LARP7: variants seen among roughly 807,000 people sequenced by gnomAD.
LARP7 encodes La ribonucleoprotein 7, transcriptional regulator.
Under a neutral mutation model 69.3 loss-of-function variants are expected in LARP7, and 52 were observed. That is an observed-to-expected ratio of 0.75 (90% confidence interval 0.60 to 0.95). The LOEUF is 0.95. LARP7 is among the 40% of genes least tolerant of loss of function. LARP7 has a pLI of 0.00. For synonymous variants in LARP7, 254 were observed against 215.9 expected, an observed-to-expected ratio of 1.18 and a Z score of -1.55; for missense variants, 733 against 673.0, an observed-to-expected ratio of 1.09 and a Z score of -0.99.
Position 112,646,593 on chromosome 4 carries a change from T to A in LARP7, c.309T>A (p.Asp103Glu). ...ALRSSAVVEL[D>E]LEGTRIRRKK... ...TGTAATATACTATTTTAAAGCTTGA[T>A]TTGGAAGGCACCAGAATCCGGAGGA... Residue 103 changes from aspartate to glutamate, a missense_variant, in exon 4 of 13, where the codon GAT (aspartate) becomes GAA (glutamate). Transcript: ENST00000344442. The A allele has an allele frequency of 6.3e-7, 1 of 1,579,316 alleles. No individual in the cohort carries two copies. Among genetic ancestry groups the A allele is most frequent in the Non-Finnish European group, 8.6e-7 (1 of 1,160,616 alleles).
In LARP7 at chr4:112,650,515, A is replaced by C. The variant is rs759497392; in HGVS notation, c.1349A>C (p.Gln450Pro). Reference sequence around the variant, plus strand: ...GAGAAAGTTAATGCAACAGGACCACAGTTCGTGAGTGGAGTGATTGTGAAG... The same window carrying C: ...GAGAAAGTTAATGCAACAGGACCACCGTTCGTGAGTGGAGTGATTGTGAAG... ...TQEKVNATGP[Q>P]FVSGVIVKII... The change falls in exon 10 of 13, where the codon CAG (glutamine) becomes CCG (proline). Residue 450 changes from glutamine to proline, a missense_variant. Gln to Pro is a moderately conservative substitution (Grantham distance 76). Transcript: ENST00000344442. The C allele has an allele frequency of 4.3e-6, 7 of 1,613,776 alleles. No homozygotes were observed. The highest frequency in any genetic ancestry group is 5.9e-6 in the Non-Finnish European group (7 of 1,179,764).
chr4:112,651,259 G>A (rs1269421092), intron 10 of LARP7, among the ~76,000 whole-genome samples: 1 of 152,054 alleles, frequency 6.6e-6, no homozygotes, highest in African/African-American at 2.4e-5. Flanking sequence ...TGTTGTTTTG[G>A]TTTTACGTAG....
At chr4:112,651,320 T>C (rs1578633668) in intron 10 of LARP7, among the ~76,000 whole-genome samples, 2 of 152,312 alleles carry the variant, frequency 1.3e-5, no homozygotes, top group East Asian at 3.9e-4. Context: ...GGTGGTTTGT[T>C]TATCTGTAAG....
At chr4:112,643,676 T>C (rs1365938143) in intron 1 of LARP7, among the ~76,000 whole-genome samples, 3 of 151,966 alleles carry the variant, frequency 2.0e-5, no homozygotes, top group Admixed American at 2.0e-4. Context: ...GGTGAAACTC[T>C]GTCTCTACTA....
chr4:112,655,003 CAA>C (rs916695747), intron 12 of LARP7, among the ~76,000 whole-genome samples: 2 of 117,334 alleles, frequency 1.7e-5, no homozygotes, highest in Non-Finnish European at 3.8e-5. Flanking sequence ...CATATTTATA[CAA>C]AAAAAAAAAA....
intron 10 of LARP7, among the ~76,000 whole-genome samples, chr4:112,652,461 C>T (rs1282826333): frequency 6.6e-6 from 1 of 151,988 alleles, no homozygotes; most frequent in Non-Finnish European, 1.5e-5. Flanking sequence ...GTTAATTTGC[C>T]CTCACAGCAG....
At chr4:112,643,284 A>T (rs2048030757) in intron 1 of LARP7, among the ~76,000 whole-genome samples, 1 of 152,222 alleles carries the variant, frequency 6.6e-6, no homozygotes, top group African/African-American at 2.4e-5. Context: ...ATTAAATATG[A>T]TTGTGGGAGG....
chr4:112,644,292 GGGGGGTGTTGCGATGGAGAGGA>G (rs1462384890), intron 1 of LARP7: 104 of 290,760 alleles, frequency 3.6e-4, no homozygotes, highest in East Asian at 5.4e-4. Flanking sequence ...GGCGGGGGCG[GGGGGGTGTTGCGATGGAGAGGA>G]GGGGGTGTTG....
At position 112,637,258 on chromosome 4, in the gene LARP7, A is replaced by G. The variant is rs1175575094; in HGVS notation, c.-3+19A>G. The G allele has an allele frequency of 6.6e-6, 1 of 152,262 alleles. No homozygotes were observed. The highest frequency in any genetic ancestry group is 2.4e-5 in the African/African-American group (1 of 41,442). 9.4% of individuals were successfully genotyped at this position (152,262 alleles called of 1,614,324 possible). ...GAACGGAGTAAGTTACAAGCGGCCTATAGGGTCGCACAGCTTGGGCGAAGT... is the reference window on the plus strand; with the variant it reads ...GAACGGAGTAAGTTACAAGCGGCCTGTAGGGTCGCACAGCTTGGGCGAAGT... On this transcript the variant is annotated intron_variant, in intron 1 of 12. Transcript: ENST00000344442.
At position 112,647,003 on chromosome 4, in the gene LARP7, A is replaced by T. The variant is rs1487617788; in HGVS notation, c.553-31A>T. The stretch of plus-strand genomic sequence containing the variant: ...AAAAAAGAAAGAAAAGAAAACAAGT[A>T]TTAAAATAGTAACTTTTGCAATCAT... On this transcript the variant is annotated intron_variant, in intron 5 of 12. Coordinates refer to ENST00000344442, the MANE Select transcript of LARP7 (RefSeq NM_016648.4). 3 of 1,586,486 alleles carry T rather than the reference A, an allele frequency of 1.9e-6. No homozygotes were observed. The South Asian group carries it at 3.5e-5, about 19-fold the overall frequency.
chr4:112,644,908 A>G (rs1011625933), intron 2 of LARP7, 37 bp downstream of exon 2: 4 of 858,502 alleles, frequency 4.7e-6, no homozygotes, highest in Non-Finnish European at 6.9e-6. Flanking sequence ...ATTTTTAGAT[A>G]TGGTTGCCTT....
At chr4:112,642,605 T>G (rs1445684883) in intron 1 of LARP7, among the ~76,000 whole-genome samples, 1 of 152,190 alleles carries the variant, frequency 6.6e-6, no homozygotes, top group Non-Finnish European at 1.5e-5. Flanking sequence ...CAAATACTGC[T>G]TACCAAAGAA....
intron 4 of LARP7, 47 bp downstream of exon 4, chr4:112,646,718 AAT>A: frequency 6.4e-7 from 1 of 1,552,556 alleles, no homozygotes; most frequent in South Asian, 1.2e-5. Flanking sequence ...GCACAGAAAC[AAT>A]ATAATTAAGT....
At position 112,647,030 on chromosome 4, in the gene LARP7, T is replaced by G; in HGVS notation, c.553-4T>G. Reference sequence around the variant, plus strand: ...TAAAATAGTAACTTTTGCAATCATTTCAGTTTCTTAACAACCCACCAGAAG... The same window carrying G: ...TAAAATAGTAACTTTTGCAATCATTGCAGTTTCTTAACAACCCACCAGAAG... On this transcript the variant is annotated splice_polypyrimidine_tract_variant and splice_region_variant and intron_variant, in intron 5 of 12. Coordinates refer to ENST00000344442, the MANE Select transcript of LARP7 (RefSeq NM_016648.4). The G allele has an allele frequency of 2.5e-6, 4 of 1,597,326 alleles. No homozygotes were observed. Among genetic ancestry groups the G allele is most frequent in the South Asian group, 2.3e-5 (2 of 86,540 alleles).
chr4:112,644,625 TGTG>T (rs1470759771), intron 1 of LARP7, 40 bp from the exon 2 acceptor site: 3 of 1,405,856 alleles, frequency 2.1e-6, no homozygotes, highest in South Asian at 1.3e-5. Context: ...TATTAGCTAT[TGTG>T]GTGATTTAAA....
chr4:112,657,303 T>TA lies in LARP7; in HGVS notation c.1726dup (p.Ile576AsnfsTer5), dbSNP rs771883294. 1.3e-6 allele frequency: 2 copies of TA among 1,587,532 alleles called. No individual in the cohort carries two copies. The highest frequency in any genetic ancestry group is 1.7e-6 in the Non-Finnish European group (2 of 1,165,324). On this transcript the variant is annotated frameshift_variant, in exon 13 of 13. Transcript: ENST00000344442. LOFTEE classifies it high-confidence loss of function. ...CAAAGACTCAACAAGCGAGTAAACA[T>TA]ATAAGATTTTCTGAATATGATTGAA...
At chr4:112,648,029 T>C (rs375688232) in intron 8 of LARP7, 195 bp downstream of exon 8, 8 of 672,304 alleles carry the variant, frequency 1.2e-5, no homozygotes, top group East Asian at 3.0e-5. Context: ...GAAGCACTTA[T>C]TTTTGTCATG....
intron 1 of LARP7, among the ~76,000 whole-genome samples, chr4:112,641,536 AGTT>A (rs2047966401): frequency 1.3e-5 from 2 of 152,260 alleles, no homozygotes; most frequent in African/African-American, 4.8e-5. Flanking sequence ...AAGTTCTTGT[AGTT>A]GTTCAGACAA....
intron 2 of LARP7, among the ~76,000 whole-genome samples, chr4:112,645,995 GTTTT>G (rs370933892): frequency 1.5e-5 from 2 of 134,032 alleles, no homozygotes; most frequent in Non-Finnish European, 3.0e-5. Context: ...CCCTCATACA[GTTTT>G]TTTTTGTTTG....
Sources: gnomAD v4.1 joint callset for allele counts (sites outside exome capture counted in the v4.1 genomes callset) on GRCh38, gnomAD v4.1.1 for gene constraint, MANE v1.5 for transcripts, NCBI Gene and HGNC (gene_info 2026-07-23, HGNC 2026-07-21) for gene names.